Variants in PCDHB9 observed in about 807,000 individuals in gnomAD.
PCDHB9 encodes the protein protocadherin beta 9, also known as protocadherin beta-9.
For synonymous variants in PCDHB9, 501 were observed against 439.7 expected, an observed-to-expected ratio of 1.14 and a Z score of -1.75; for missense variants, 1,072 against 995.1, an observed-to-expected ratio of 1.08 and a Z score of -1.04.
In PCDHB9 at chr5:141,188,972, C is replaced by T; in HGVS notation, c.1654C>T (p.Leu552=). ...CGAGGCGCTGGTGCGCGTACTGGTG[C>T]TGGACGCCAACGACAACTCGCCCTT... is the stretch of plus-strand genomic sequence containing the variant. ...SSEALVRVLV[L]DANDNSPFVL... is the part of the protein sequence containing the mutation. The change falls in exon 1 of 1, where the codon CTG becomes TTG. Residue 552 remains leucine, a synonymous_variant. Transcript: ENST00000316105. 6.2e-7 allele frequency: 1 copy of T among 1,611,744 alleles called. No individual in the cohort carries two copies. The highest frequency in any genetic ancestry group is 8.5e-7 in the Non-Finnish European group (1 of 1,179,772).
Position 141,188,785 on chromosome 5 carries a change from G to C in PCDHB9, c.1467G>C (p.Ser489=), listed in dbSNP as rs1266592264. ...GCACCAACGCCCAGGTCACCTACTC[G>C]CTGCTGCCGCCCCAGGACCCACACC... is the stretch of plus-strand genomic sequence containing the variant. ...DSGTNAQVTY[S]LLPPQDPHLP... is the part of the protein sequence containing the mutation. The change falls in exon 1 of 1, where the codon TCG becomes TCC. Residue 489 remains serine, a synonymous_variant. Transcript: ENST00000316105. The C allele has an allele frequency of 4.3e-6, 7 of 1,612,774 alleles. No homozygotes were observed. Among genetic ancestry groups the C allele is most frequent in the African/African-American group, 1.3e-5 (1 of 74,856 alleles).
Position 141,188,567 on chromosome 5 carries a change from T to A in PCDHB9, c.1249T>A (p.Tyr417Asn), listed in dbSNP as rs1753801918. ...GALDRESKAE[Y>N]NITITVTDLG... ...ACTGGACAGAGAGAGCAAAGCTGAG[T>A]ACAACATCACCATCACCGTCACTGA... The change falls in exon 1 of 1, where the codon TAC (tyrosine) becomes AAC (asparagine). Residue 417 changes from tyrosine to asparagine, a missense_variant. Tyr to Asn is a moderately radical substitution (Grantham distance 143, BLOSUM62 -2). Coordinates refer to ENST00000316105, the MANE Select transcript of PCDHB9 (RefSeq NM_019119.5). 6.2e-7 allele frequency: 1 copy of A among 1,613,972 alleles called. No homozygotes were observed. The highest frequency in any genetic ancestry group is 1.3e-5 in the African/African-American group (1 of 74,892).
Position 141,189,493 on chromosome 5 carries a change from C to A in PCDHB9, c.2175C>A (p.Cys725Ter), listed in dbSNP as rs782685318. 11 of 1,613,418 alleles carry A rather than the reference C, an allele frequency of 6.8e-6. No individual in the cohort carries two copies. Among genetic ancestry groups the A allele is most frequent in the Non-Finnish European group, 9.3e-6 (11 of 1,179,922 alleles). The change falls in exon 1 of 1, where the codon TGC becomes TGA. Residue 725 changes from cysteine to a stop codon, truncating the protein, a stop_gained. Transcript: ENST00000316105. LOFTEE classifies it low-confidence loss of function (END_TRUNC). ...GCAGGGCGGCCTCGGTGGGTCGCTG[C>A]TCGGTGCCCGAGGGTCCTTTTCCAG... ...RRSRAASVGR[C>*]SVPEGPFPGH...
Position 141,189,946 on chromosome 5 carries a change from A to G in PCDHB9, c.*234A>G. The G allele has an allele frequency of 2.5e-6, 1 of 407,342 alleles. No individual in the cohort carries two copies. Among genetic ancestry groups the G allele is most frequent in the Non-Finnish European group, 4.2e-6 (1 of 236,254 alleles). The allele number at this position is 407,342 out of a possible 1,614,324, so 25.2% of individuals were successfully genotyped here. On this transcript the variant is annotated 3_prime_UTR_variant, in exon 1 of 1. Coordinates refer to ENST00000316105, the MANE Select transcript of PCDHB9 (RefSeq NM_019119.5). ...TTTTTCAAAGTTGATATCATTTAAA[A>G]ATTTTTGGTCGTTTTAAATGTCTTT...
rs1753777667 is a variant in PCDHB9 at position 141,187,901 on chromosome 5, G to T, written c.583G>T (p.Val195Leu). Residue 195 changes from valine (V) to leucine (L), a missense_variant, in exon 1 of 1, where the codon GTG becomes TTG. By Grantham distance (32) the Val-to-Leu change is conservative. Coordinates refer to ENST00000316105, the MANE Select transcript of PCDHB9 (RefSeq NM_019119.5). The stretch of plus-strand genomic sequence containing the variant: ...TGAAGGCATGATATATCCAGAGCTA[G>T]TGTTGGACAAAGCACTGGATCGGGA... The part of the protein sequence containing the change: ...SDEGMIYPEL[V>L]LDKALDREEQ... The T allele has an allele frequency of 1.2e-6, 2 of 1,614,196 alleles. No homozygotes were observed. Among genetic ancestry groups the T allele is most frequent in the East Asian group, 2.2e-5 (1 of 44,884 alleles).
chr5:141,190,071 T>A lies in PCDHB9; in HGVS notation c.*359T>A. 1 of 175,454 alleles carries A rather than the reference T, an allele frequency of 5.7e-6. No individual in the cohort carries two copies. Among genetic ancestry groups the A allele is most frequent in the East Asian group, 1.6e-4 (1 of 6,398 alleles). 10.9% of individuals were successfully genotyped at this position (175,454 alleles called of 1,614,324 possible). A position where few individuals can be genotyped will look rare whatever the true frequency, so the allele number is the denominator to read the frequency against. On this transcript the variant is annotated 3_prime_UTR_variant, in exon 1 of 1. Coordinates refer to ENST00000316105, the MANE Select transcript of PCDHB9 (RefSeq NM_019119.5). ...GTCTGCTGCATGTAATATGTGCTTT[T>A]ACTATTTGATATTTCTTCTATTTTT...
chr5:141,188,984 G>A lies in PCDHB9; in HGVS notation c.1666G>A (p.Asp556Asn), dbSNP rs782288230. The stretch of plus-strand genomic sequence containing the variant: ...GCGCGTACTGGTGCTGGACGCCAAC[G>A]ACAACTCGCCCTTCGTGCTGTACCC... ...LVRVLVLDANDNSPFVLYPLQ... is the reference protein window; with the variant it reads ...LVRVLVLDANNNSPFVLYPLQ... The change falls in exon 1 of 1, where the codon GAC (aspartate) becomes AAC (asparagine). Residue 556 changes from aspartate to asparagine, a missense_variant. Asp to Asn is a conservative substitution (Grantham distance 23). Transcript: ENST00000316105. The A allele has an allele frequency of 9.3e-6, 15 of 1,611,422 alleles. No homozygotes were observed. Among genetic ancestry groups the A allele is most frequent in the African/African-American group, 1.3e-5 (1 of 74,850 alleles).
At position 141,187,954 on chromosome 5, in the gene PCDHB9, C is replaced by T. The variant is rs577664227; in HGVS notation, c.636C>T (p.Leu212=). The change falls in exon 1 of 1, where the codon CTC becomes CTT. Residue 212 remains leucine, a synonymous_variant. Coordinates refer to ENST00000316105, the MANE Select transcript of PCDHB9 (RefSeq NM_019119.5). ...REEQEELSLT[L]TALDGGSPSR... ...AGCAGGAAGAGCTCAGCTTAACCCT[C>T]ACAGCGCTGGATGGTGGGTCTCCAT... 203 of 1,614,128 alleles carry T rather than the reference C, an allele frequency of 1.3e-4. No individual in the cohort carries two copies. The highest frequency in any genetic ancestry group is 1.2e-3 in the Middle Eastern group (7 of 6,058).
chr5:141,189,429 C>G lies in PCDHB9; in HGVS notation c.2111C>G (p.Ser704Trp). The change falls in exon 1 of 1, where the codon TCG becomes TGG. Residue 704 changes from serine to tryptophan, a missense_variant. Coordinates refer to ENST00000316105, the MANE Select transcript of PCDHB9 (RefSeq NM_019119.5). ...TCGGTGTCTTCGCTCTTCCTCCTCT[C>G]GGTGCTCCTGTTCGTGGCGGTGCGG... ...LASVSSLFLL[S>W]VLLFVAVRLC... 6.2e-7 allele frequency: 1 copy of G among 1,611,872 alleles called. No homozygotes were observed. Among genetic ancestry groups the G allele is most frequent in the Non-Finnish European group, 8.5e-7 (1 of 1,179,724 alleles).
At position 141,187,388 on chromosome 5, in the gene PCDHB9, T is replaced by C. The variant is rs550963839; in HGVS notation, c.70T>C (p.Ser24Pro). ...GTTTCTTTTTCTTTTCTGGGGAGTG[T>C]CCTTGGCAGGTTCTGGGTTTGGACG... ...VLFLFLFWGV[S>P]LAGSGFGRYS... Residue 24 changes from serine (S) to proline (P), a missense_variant, in exon 1 of 1, where the codon TCC becomes CCC. Ser to Pro is a moderately conservative substitution (Grantham distance 74, BLOSUM62 -1). Coordinates refer to ENST00000316105, the MANE Select transcript of PCDHB9 (RefSeq NM_019119.5). 1.4e-5 allele frequency: 23 copies of C among 1,613,970 alleles called. No individual in the cohort carries two copies. Among genetic ancestry groups the C allele is most frequent in the African/African-American group, 2.7e-5 (2 of 74,884 alleles).
chr5:141,187,535 C>A lies in PCDHB9; in HGVS notation c.217C>A (p.Gln73Lys). 4 of 1,608,336 alleles carry A rather than the reference C, an allele frequency of 2.5e-6. No homozygotes were observed. Among genetic ancestry groups the A allele is most frequent in the Non-Finnish European group, 3.4e-6 (4 of 1,175,890 alleles). ...CAGGGTGGTTTCCGATGATAACAAA[C>A]AATACCTGCTCCTGGATTCACATAC... ...GTRVVSDDNK[Q>K]YLLLDSHTGN... The change falls in exon 1 of 1, where the codon CAA becomes AAA. Residue 73 changes from glutamine to lysine, a missense_variant. Gln to Lys is a moderately conservative substitution (Grantham distance 53, BLOSUM62 1). Coordinates refer to ENST00000316105, the MANE Select transcript of PCDHB9 (RefSeq NM_019119.5).
rs1554282905 is a variant in PCDHB9 at position 141,188,076 on chromosome 5, A to G, written c.758A>G (p.Glu253Gly). 1.2e-6 allele frequency: 2 copies of G among 1,614,002 alleles called. No individual in the cohort carries two copies. Among genetic ancestry groups the G allele is most frequent in the East Asian group, 2.2e-5 (1 of 44,874 alleles). The change falls in exon 1 of 1, where the codon GAA becomes GGA. Residue 253 changes from glutamate (E) to glycine (G), a missense_variant. Transcript: ENST00000316105. Reference protein sequence around the residue: ...AQALYETQAPENSPVGSLIVK... With the variant: ...AQALYETQAPGNSPVGSLIVK... ...GCTCTGTATGAGACCCAGGCTCCAGAAAACAGTCCAGTAGGGTCCCTTATT... is the reference window on the plus strand; with the variant it reads ...GCTCTGTATGAGACCCAGGCTCCAGGAAACAGTCCAGTAGGGTCCCTTATT...
At position 141,188,188 on chromosome 5, in the gene PCDHB9, A is replaced by G. The variant is rs781805867; in HGVS notation, c.870A>G (p.Thr290=). 8.1e-6 allele frequency: 13 copies of G among 1,611,396 alleles called. No individual in the cohort carries two copies. The highest frequency in any genetic ancestry group is 1.1e-5 in the Non-Finnish European group (13 of 1,178,352). Residue 290 remains threonine (T), a synonymous_variant, in exon 1 of 1, where the codon ACA becomes ACG. Transcript: ENST00000316105. The part of the protein sequence containing the change: ...SFFDASEDIL[T]TFQINPFSGE... ...TTGATGCTTCTGAAGATATTTTAAC[A>G]ACGTTTCAAATCAATCCTTTTTCTG...
At position 141,190,306 on chromosome 5, in the gene PCDHB9, G is replaced by C. The variant is rs1753871657; in HGVS notation, c.*594G>C. 6.6e-6 allele frequency: 1 copy of C among 152,418 alleles called. No homozygotes were observed. The highest frequency in any genetic ancestry group is 1.5e-5 in the Non-Finnish European group (1 of 68,528). The allele number at this position is 152,418 out of a possible 1,614,324, so 9.4% of individuals were successfully genotyped here. Reference sequence around the variant, plus strand: ...CGATTCTCCTGCCTCAGCCTCCAGAGTATCTGGGACTACAGTTGCATGTCA... The same window carrying C: ...CGATTCTCCTGCCTCAGCCTCCAGACTATCTGGGACTACAGTTGCATGTCA... On this transcript the variant is annotated 3_prime_UTR_variant, in exon 1 of 1. Transcript: ENST00000316105.
In PCDHB9 at chr5:141,189,616, C is replaced by G. The variant is rs370463765; in HGVS notation, c.2298C>G (p.Phe766Leu). ...TGGSETGEFK[F>L]LKPITPHLPP... ...GTTCAGAGACCGGCGAGTTCAAGTT[C>G]TTGAAGCCGATTACCCCCCACCTCC... is the stretch of plus-strand genomic sequence containing the variant. Residue 766 changes from phenylalanine to leucine, a missense_variant, in exon 1 of 1, where the codon TTC (phenylalanine) becomes TTG (leucine). Coordinates refer to ENST00000316105, the MANE Select transcript of PCDHB9 (RefSeq NM_019119.5). 1.2e-6 allele frequency: 2 copies of G among 1,614,096 alleles called. No individual in the cohort carries two copies. Among genetic ancestry groups the G allele is most frequent in the African/African-American group, 1.3e-5 (1 of 75,006 alleles).
chr5:141,187,901 G>C lies in PCDHB9; in HGVS notation c.583G>C (p.Val195Leu). 6.2e-7 allele frequency: 1 copy of C among 1,614,196 alleles called. No individual in the cohort carries two copies. The highest frequency in any genetic ancestry group is 8.5e-7 in the Non-Finnish European group (1 of 1,180,034). ...TGAAGGCATGATATATCCAGAGCTA[G>C]TGTTGGACAAAGCACTGGATCGGGA... The part of the protein sequence containing the change: ...SDEGMIYPEL[V>L]LDKALDREEQ... The change falls in exon 1 of 1, where the codon GTG (valine) becomes CTG (leucine). Residue 195 changes from valine to leucine, a missense_variant. By Grantham distance (32) the Val-to-Leu change is conservative. Transcript: ENST00000316105.
chr5:141,188,265 A>C lies in PCDHB9; in HGVS notation c.947A>C (p.Lys316Thr). 6.2e-7 allele frequency: 1 copy of C among 1,614,070 alleles called. No homozygotes were observed. The highest frequency in any genetic ancestry group is 8.5e-7 in the Non-Finnish European group (1 of 1,179,990). Residue 316 changes from lysine to threonine, a missense_variant, in exon 1 of 1, where the codon AAA becomes ACA. Physicochemically the swap from Lys to Thr is moderately conservative, Grantham distance 78. Transcript: ENST00000316105. ...LLDYELVNSY[K>T]INIQAMDGGG... ...GATTATGAGTTAGTAAATTCTTACA[A>C]AATAAATATACAGGCAATGGACGGC...
Position 141,190,538 on chromosome 5 carries a change from C to T in PCDHB9, c.*826C>T, listed in dbSNP as rs1554283592. On this transcript the variant is annotated 3_prime_UTR_variant, in exon 1 of 1. Transcript: ENST00000316105. ...TTCTAGTTTCCCGGCATTGATAGTT[C>T]CCTATTTGAAATATAATGTTTCTCT... The T allele has an allele frequency of 6.6e-6, 1 of 151,286 alleles. No homozygotes were observed. Among genetic ancestry groups the T allele is most frequent in the Non-Finnish European group, 1.5e-5 (1 of 67,912 alleles). The allele number at this position is 151,286 out of a possible 1,614,324, so 9.4% of individuals were successfully genotyped here.
chr5:141,189,239 G>A lies in PCDHB9; in HGVS notation c.1921G>A (p.Val641Met). The A allele has an allele frequency of 1.2e-6, 2 of 1,607,164 alleles. No homozygotes were observed. Among genetic ancestry groups the A allele is most frequent in the Non-Finnish European group, 1.7e-6 (2 of 1,179,708 alleles). Reference sequence around the variant, plus strand: ...GCGCGACGCGGCCAAGCACAGGCTGGTGGTGCTTGTCAAGGACAATGGCGA... The same window carrying A: ...GCGCGACGCGGCCAAGCACAGGCTGATGGTGCTTGTCAAGGACAATGGCGA... Reference protein sequence around the residue: ...SERDAAKHRLVVLVKDNGEPP... With the variant: ...SERDAAKHRLMVLVKDNGEPP... The change falls in exon 1 of 1, where the codon GTG becomes ATG. Residue 641 changes from valine (V) to methionine (M), a missense_variant. By Grantham distance (21) the Val-to-Met change is conservative. Coordinates refer to ENST00000316105, the MANE Select transcript of PCDHB9 (RefSeq NM_019119.5).
Sources: allele counts gnomAD v4.1 joint callset, GRCh38; gene constraint gnomAD v4.1.1; transcripts MANE v1.5; gene names NCBI Gene and HGNC (gene_info 2026-07-23, HGNC 2026-07-21).